AK8: variants seen among roughly 807,000 people sequenced by gnomAD.
AK8 encodes adenylate kinase 8.
Under a neutral mutation model 54.6 loss-of-function variants are expected in AK8, and 44 were observed. The ratio of observed to expected loss-of-function variants is 0.81; its 90% confidence interval spans 0.63 to 1.04. The LOEUF is 1.04. Among genes scored for constraint, AK8 ranks in the 50% least tolerant of loss-of-function variants. AK8 has a pLI of 0.00. For synonymous variants in AK8, 239 were observed against 245.6 expected (o/e 0.97, Z 0.25); for missense variants, 555 against 613.6 (o/e 0.90, Z 1.01).
At chr9:132,783,575 TAA>T (rs778604551) in intron 11 of AK8, among the ~76,000 whole-genome samples, 28 of 123,858 alleles carry the variant, frequency 2.3e-4, no homozygotes, top group Non-Finnish European at 3.0e-4. Context: ...GCATAAAAGT[TAA>T]AAAAAAAAAA....
At chr9:132,738,330 G>A (rs986227855) in intron 11 of AK8, among the ~76,000 whole-genome samples, 2 of 152,158 alleles carry the variant, frequency 1.3e-5, no homozygotes, top group African/African-American at 4.8e-5. Flanking sequence ...TGGGATTACA[G>A]ACGTGAGCCA....
chr9:132,749,753 A>T (rs1191816203), intron 11 of AK8, among the ~76,000 whole-genome samples: 1 of 148,946 alleles, frequency 6.7e-6, no homozygotes, highest in East Asian at 2.0e-4. Context: ...TTTATTTTTT[A>T]AATCGATATG....
chr9:132,760,465 C>T (rs4962078), intron 11 of AK8, among the ~76,000 whole-genome samples: 41,118 of 152,102 alleles, frequency 0.27, 7,951 homozygotes, highest in African/African-American at 0.54. Flanking sequence ...GCTAAACTCT[C>T]ACTAAAACTA....
At chr9:132,733,497 G>A (rs1263956055) in intron 11 of AK8, among the ~76,000 whole-genome samples, 1 of 152,250 alleles carries the variant, frequency 6.6e-6, no homozygotes, top group Non-Finnish European at 1.5e-5. Flanking sequence ...TACCAAGACT[G>A]CTTGTCGTCA....
chr9:132,738,342 C>T (rs1471230705), intron 11 of AK8, among the ~76,000 whole-genome samples: 3 of 152,092 alleles, frequency 2.0e-5, no homozygotes, highest in African/African-American at 4.8e-5. Context: ...CGTGAGCCAC[C>T]GCACCTGGCC....
chr9:132,874,673 C>T (rs1371643257), intron 2 of AK8, among the ~76,000 whole-genome samples: 2 of 152,158 alleles, frequency 1.3e-5, no homozygotes, highest in Non-Finnish European at 2.9e-5. Context: ...TAACAGGCTC[C>T]GATAATGAGA....
intron 11 of AK8, among the ~76,000 whole-genome samples, chr9:132,755,335 G>A (rs1025971306): frequency 6.6e-6 from 1 of 152,192 alleles, no homozygotes; most frequent in Non-Finnish European, 1.5e-5. Flanking sequence ...CAAGAGCCAC[G>A]CTGGGAGAGA....
At chr9:132,732,038 C>T (rs1458170759) in intron 11 of AK8, among the ~76,000 whole-genome samples, 1 of 151,898 alleles carries the variant, frequency 6.6e-6, no homozygotes, top group African/African-American at 2.4e-5. Context: ...ACTGTAATAC[C>T]CGTGTGATAG....
rs773807746 is a variant in AK8 at position 132,826,834 on chromosome 9, G to T, written c.757+20C>A. On this transcript the variant is annotated intron_variant, in intron 8 of 12. Transcript: ENST00000298545. This position sits in a 1 kb window ranked among gnomAD's most constrained non-coding sequence, Gnocchi z 4.5. ...GCCCTTGGCCGTCTGTCCAGGGTGG[G>T]GCTGCCTGCTTGTGTTTACCCTGGT... 1 of 1,613,170 alleles carries T rather than the reference G, an allele frequency of 6.2e-7. No individual in the cohort carries two copies. Among genetic ancestry groups the T allele is most frequent in the South Asian group, 1.1e-5 (1 of 91,064 alleles).
At chr9:132,878,488 C>G (rs1844262566), upstream of AK8, 3 of 1,208,154 alleles carry the variant, frequency 2.5e-6, no homozygotes, top group Admixed American at 4.4e-5. The surrounding 1 kb of genome is among the most constrained non-coding windows in gnomAD (Gnocchi z 4.7). Context: ...CGCATCTTAG[C>G]GGGGGACACC....
In AK8 at chr9:132,827,038, G is replaced by T. The variant is rs1032157601; in HGVS notation, c.573C>A (p.Thr191=). 14 of 1,614,110 alleles carry T rather than the reference G, an allele frequency of 8.7e-6. No individual in the cohort carries two copies. Among genetic ancestry groups the T allele is most frequent in the Non-Finnish European group, 1.1e-5 (13 of 1,180,044 alleles). The part of the protein sequence containing the change: ...DPQTGEIYHT[T]FDWPPESEIQ... ...TTTCAGATTCGGGTGGCCAGTCAAA[G>T]GTGGTGTGATAAATCTCTACAAGGA... Residue 191 remains threonine, a synonymous_variant, in exon 8 of 13, where the codon ACC becomes ACA. Coordinates refer to ENST00000298545, the MANE Select transcript of AK8 (RefSeq NM_152572.3).
intron 5 of AK8, among the ~76,000 whole-genome samples, chr9:132,835,118 C>T (rs958176171): frequency 6.6e-6 from 1 of 152,190 alleles, no homozygotes; most frequent in African/African-American, 2.4e-5. Context: ...GATCCACCCG[C>T]CTTAGCTGCC....
chr9:132,826,756 C>A lies in AK8; in HGVS notation c.757+98G>T. The A allele has an allele frequency of 7.3e-7, 1 of 1,371,306 alleles. No homozygotes were observed. The highest frequency in any genetic ancestry group is 1.3e-5 in the South Asian group (1 of 79,342). 84.9% of individuals were successfully genotyped at this position (1,371,306 alleles called of 1,614,324 possible). ...TCCAGGGTCCCAGGCATGTCCCAGA[C>A]ACTGGCCACTACCAGAATAAGGGAC... On this transcript the variant is annotated intron_variant, in intron 8 of 12. Transcript: ENST00000298545. The surrounding 1 kb of genome is among the most constrained non-coding windows in gnomAD (Gnocchi z 4.5).
chr9:132,868,909 T>C (rs922971447), intron 2 of AK8, among the ~76,000 whole-genome samples: 4 of 152,168 alleles, frequency 2.6e-5, no homozygotes, highest in Non-Finnish European at 2.9e-5. Context: ...AGGGGGTTGA[T>C]TGCTCACACC....
At chr9:132,756,636 T>C (rs1303071465) in intron 11 of AK8, among the ~76,000 whole-genome samples, 1 of 152,168 alleles carries the variant, frequency 6.6e-6, no homozygotes, top group Admixed American at 6.5e-5. Flanking sequence ...AATGCCGGCA[T>C]CTCACTGACC....
At chr9:132,843,726 C>G (rs1020147714) in intron 5 of AK8, among the ~76,000 whole-genome samples, 33 of 152,178 alleles carry the variant, frequency 2.2e-4, no homozygotes, top group African/African-American at 7.7e-4. Flanking sequence ...TGTTTAAAGT[C>G]ATCCTCAGAA....
chr9:132,732,897 G>C (rs1836918308), intron 11 of AK8, among the ~76,000 whole-genome samples: 1 of 152,142 alleles, frequency 6.6e-6, no homozygotes, highest in South Asian at 2.1e-4. Context: ...CTTGCTTCTA[G>C]AAAATGTGTG....
At chr9:132,773,549 G>A (rs958794856) in intron 11 of AK8, among the ~76,000 whole-genome samples, 6 of 152,206 alleles carry the variant, frequency 3.9e-5, no homozygotes, top group African/African-American at 1.4e-4. Context: ...TGAGTCCCAA[G>A]AACTCAAGTA....
chr9:132,846,447 C>G (rs1330804908), intron 5 of AK8, among the ~76,000 whole-genome samples: 1 of 152,232 alleles, frequency 6.6e-6, no homozygotes, highest in Non-Finnish European at 1.5e-5. Flanking sequence ...GTTTAACTCT[C>G]TTGTTCACTG....
Sources: allele counts gnomAD v4.1 joint callset (sites outside exome capture counted in the v4.1 genomes callset), GRCh38; gene constraint gnomAD v4.1.1; non-coding constraint Gnocchi (gnomAD v3.1); transcripts MANE v1.5; gene names NCBI Gene and HGNC (gene_info 2026-07-23, HGNC 2026-07-21).